Variants in CDK17 observed in about 807,000 individuals in gnomAD.
CDK17 encodes cyclin-dependent kinase 17.
CDK17 carries 24 observed loss-of-function variants against 77.6 expected under a neutral mutation model. That is an observed-to-expected ratio of 0.31 (90% confidence interval 0.22 to 0.44). CDK17 has a LOEUF of 0.44. Ranked by LOEUF, CDK17 falls within the 20% of genes least tolerant of loss-of-function variation. The pLI, the probability that CDK17 is intolerant of heterozygous loss-of-function variation, is 1.00. For missense variants in CDK17, 429 were observed against 622.5 expected (o/e 0.69, Z 3.31); for synonymous variants, 203 against 210.4 (o/e 0.96, Z 0.30).
At chr12:96,339,150 T>C (rs1016849554) in intron 1 of CDK17, among the ~76,000 whole-genome samples, 3 of 152,210 alleles carry the variant, frequency 2.0e-5, no homozygotes, top group Non-Finnish European at 4.4e-5. Context: ...AATAACAAAG[T>C]ATTATAGAAA....
At chr12:96,382,887 C>A (rs1427051100) in intron 1 of CDK17, among the ~76,000 whole-genome samples, 2 of 152,062 alleles carry the variant, frequency 1.3e-5, no homozygotes. Context: ...CTCACCACTC[C>A]TATTCAACAT....
chr12:96,394,923 T>C (rs1052602244), intron 1 of CDK17, among the ~76,000 whole-genome samples: 2 of 151,150 alleles, frequency 1.3e-5, no homozygotes, highest in Non-Finnish European at 2.9e-5. Context: ...GTCGCCAGGC[T>C]AGAGTGCAAT....
chr12:96,396,823 T>C (rs901208383), intron 1 of CDK17, among the ~76,000 whole-genome samples: 2 of 152,062 alleles, frequency 1.3e-5, no homozygotes, highest in Non-Finnish European at 2.9e-5. Flanking sequence ...CTAAATGCCA[T>C]GTAAAAGAAT....
rs988075834 is a variant in CDK17, at chr12:96,323,838, T to C, written c.283+110A>G. 2.4e-5 allele frequency: 18 copies of C among 760,368 alleles called. No homozygotes were observed. In the South Asian group the frequency reaches 4.4e-4, roughly 19 times the overall value. The allele number at this position is 760,368 out of a possible 1,614,324, so 47.1% of individuals were successfully genotyped here. A position where few individuals can be genotyped will look rare whatever the true frequency, so the allele number is the denominator to read the frequency against. ...GCTATTCCTCTTGATCTCAACTTGA[T>C]TTTTATCTGACAGAAGAAACGAGAT... On this transcript the variant is annotated intron_variant, in intron 3 of 16. Transcript: ENST00000261211.
rs10633197 is a variant in CDK17 at position 96,393,354 on chromosome 12, CAA to C, written c.-30+6630_-30+6631del. ...TACTCCAGCCTGTGAGGCTCCGCCT[CAA>C]AAAAAAAAAAAAAAAAAAAAAAAGC... is the stretch of plus-strand genomic sequence containing the variant. On this transcript the variant is annotated intron_variant, in intron 1 of 16. Coordinates refer to ENST00000261211, the MANE Select transcript of CDK17 (RefSeq NM_002595.5). 3.4e-3 allele frequency among the ~76,000 whole-genome samples: 146 copies of C among 43,324 alleles called. No individual in the cohort carries two copies. In the East Asian group the frequency reaches 0.038, roughly 11 times the overall value. The allele number at this position is 43,324 out of a possible 152,430, so 28.4% of individuals were successfully genotyped here.
At chr12:96,369,985 C>T (rs1953664621) in intron 1 of CDK17, among the ~76,000 whole-genome samples, 1 of 151,944 alleles carries the variant, frequency 6.6e-6, no homozygotes, top group African/African-American at 2.4e-5. Flanking sequence ...TTTTAAAATC[C>T]CCATTTATTT....
chr12:96,331,103 CCATT>C (rs1952960566), intron 2 of CDK17, among the ~76,000 whole-genome samples: 1 of 152,098 alleles, frequency 6.6e-6, no homozygotes, highest in Admixed American at 6.5e-5. Flanking sequence ...CCACCACATT[CCATT>C]AATTTTTGTA....
At position 96,287,192 on chromosome 12, in the gene CDK17, A is replaced by G. The variant is rs1464781255; in HGVS notation, c.1119-431T>C. Among the ~76,000 whole-genome samples, 4 of 152,192 alleles carry G rather than the reference A, an allele frequency of 2.6e-5. No homozygotes were observed. In the South Asian group the frequency reaches 8.3e-4, roughly 32 times the overall value. ...TAATCTAGGAGATGACAGTGAGTGA[A>G]GCTAGGCAGGAGAAATGGAGAGAAA... On this transcript the variant is annotated intron_variant, in intron 11 of 16. Coordinates refer to ENST00000261211, the MANE Select transcript of CDK17 (RefSeq NM_002595.5).
chr12:96,364,162 G>T (rs1308623446), intron 1 of CDK17, among the ~76,000 whole-genome samples: 6 of 152,108 alleles, frequency 3.9e-5, no homozygotes, highest in Admixed American at 3.9e-4. Flanking sequence ...TCATTTGCTT[G>T]TTAACAAACA....
intron 2 of CDK17, among the ~76,000 whole-genome samples, chr12:96,330,458 C>G (rs1952951228): frequency 6.6e-6 from 1 of 152,174 alleles, no homozygotes; most frequent in African/African-American, 2.4e-5. Context: ...ACCATCACCT[C>G]CCTGTGTTCC....
At chr12:96,296,253 T>C (rs368565256) in intron 9 of CDK17, among the ~76,000 whole-genome samples, 5 of 152,214 alleles carry the variant, frequency 3.3e-5, no homozygotes, top group African/African-American at 1.2e-4. Flanking sequence ...TTTCAAATTA[T>C]TGCCAATAAA....
At chr12:96,341,025 TTGATC>T (rs1953114105) in intron 1 of CDK17, among the ~76,000 whole-genome samples, 1 of 152,148 alleles carries the variant, frequency 6.6e-6, no homozygotes, top group Non-Finnish European at 1.5e-5. Context: ...CCGGTGTCTG[TTGATC>T]CCCTCTTTGT....
At chr12:96,375,541 T>A (rs1953765130) in intron 1 of CDK17, among the ~76,000 whole-genome samples, 1 of 133,016 alleles carries the variant, frequency 7.5e-6, no homozygotes, top group Admixed American at 8.7e-5. Flanking sequence ...TGAGACAGAG[T>A]TTTGCTCTTG....
At chr12:96,296,419 A>C (rs1432283160) in intron 9 of CDK17, among the ~76,000 whole-genome samples, 4 of 152,234 alleles carry the variant, frequency 2.6e-5, no homozygotes, top group African/African-American at 9.6e-5. Flanking sequence ...GCAATGTGTT[A>C]TCCATATGTT....
In CDK17 at chr12:96,360,208, G is replaced by A. The variant is rs1030507455; in HGVS notation, c.-29-25343C>T. On this transcript the variant is annotated intron_variant, in intron 1 of 16. Transcript: ENST00000261211. ...CAGCATGACCCTGTATCCAGCATAC[G>A]TTTAGGTACTAACGAAGAAAGTACA... Among the ~76,000 whole-genome samples the A allele has an allele frequency of 5.3e-5, 8 of 152,156 alleles. No homozygotes were observed. In the South Asian group the frequency reaches 8.3e-4, roughly 16 times the overall value.
intron 11 of CDK17, among the ~76,000 whole-genome samples, chr12:96,288,018 G>C (rs770536152): frequency 6.6e-6 from 1 of 152,102 alleles, no homozygotes; most frequent in Non-Finnish European, 1.5e-5. Flanking sequence ...AGAAACTGAT[G>C]GTGGGGGAGG....
chr12:96,364,521 T>C (rs967814538), intron 1 of CDK17, among the ~76,000 whole-genome samples: 1 of 152,204 alleles, frequency 6.6e-6, no homozygotes, highest in African/African-American at 2.4e-5. Flanking sequence ...TCCTTCCCCC[T>C]ATCCATTTCA....
At chr12:96,395,224 A>C (rs1028642715) in intron 1 of CDK17, among the ~76,000 whole-genome samples, 1 of 152,238 alleles carries the variant, frequency 6.6e-6, no homozygotes, top group African/African-American at 2.4e-5. Context: ...ATTCATTTTG[A>C]GCAACATGTC....
At chr12:96,313,523 G>T in intron 3 of CDK17, 69 bp from the exon 4 acceptor site, 2 of 882,840 alleles carry the variant, frequency 2.3e-6, no homozygotes, top group Non-Finnish European at 3.1e-6. Context: ...ATCACTATGG[G>T]TAAAATATAG....
Sources: allele counts gnomAD v4.1 joint callset (sites outside exome capture counted in the v4.1 genomes callset), GRCh38; gene constraint gnomAD v4.1.1; transcripts MANE v1.5; gene names NCBI Gene and HGNC (gene_info 2026-07-23, HGNC 2026-07-21).